Variants in SCAPER observed in about 807,000 individuals in gnomAD.
SCAPER encodes S-phase cyclin A associated protein in the ER.
A neutral mutation model predicts 182.2 loss-of-function variants in SCAPER; 98 were observed. The ratio of observed to expected loss-of-function variants is 0.54; its 90% confidence interval spans 0.46 to 0.64. The LOEUF (loss-of-function observed/expected upper bound fraction) is 0.64. Among genes scored for constraint, SCAPER ranks in the 30% least tolerant of loss-of-function variants. The probability of loss-of-function intolerance (pLI) is 0.00; values close to 1 mark genes in which losing one functional copy is unlikely to be tolerated. For synonymous variants in SCAPER, 605 were observed against 564.6 expected (o/e 1.07, Z -1.01); for missense variants, 1,432 against 1,690.0 (o/e 0.85, Z 2.68).
chr15:76,504,828 C>T (rs369067835), intron 24 of SCAPER, 31 bp downstream of exon 24: 41 of 1,526,762 alleles, frequency 2.7e-5, no homozygotes, highest in African/African-American at 1.1e-4. Context: ...ACAAATGAAA[C>T]GTAAAAAATA....
At chr15:76,428,639 C>G (rs1234818620) in intron 26 of SCAPER, among the ~76,000 whole-genome samples, 1 of 151,410 alleles carries the variant, frequency 6.6e-6, no homozygotes, top group Non-Finnish European at 1.5e-5. Flanking sequence ...TGAGGAGGGG[C>G]TGGGGGAAGA....
intron 7 of SCAPER, among the ~76,000 whole-genome samples, chr15:76,795,970 A>G (rs968164699): frequency 1.3e-5 from 2 of 152,156 alleles, no homozygotes; most frequent in African/African-American, 4.8e-5. Flanking sequence ...CTGAGGCATG[A>G]GAATTGCTTG....
chr15:76,437,900 G>A (rs945826672), intron 25 of SCAPER, among the ~76,000 whole-genome samples: 6 of 152,140 alleles, frequency 3.9e-5, no homozygotes. Flanking sequence ...TCATCCTCAG[G>A]CTTTTGTCCA....
At chr15:76,699,893 T>TC (rs2058842815) in intron 20 of SCAPER, among the ~76,000 whole-genome samples, 1 of 151,864 alleles carries the variant, frequency 6.6e-6, no homozygotes, top group Non-Finnish European at 1.5e-5. Flanking sequence ...GGCAACGGAG[T>TC]CCATACCTGC....
intron 25 of SCAPER, among the ~76,000 whole-genome samples, chr15:76,455,264 C>T (rs1275067580): frequency 1.3e-5 from 2 of 152,178 alleles, no homozygotes; most frequent in Non-Finnish European, 2.9e-5. Flanking sequence ...TTCAGGTGTA[C>T]AACTCGATGT....
chr15:76,717,951 A>G (rs1412178509), intron 17 of SCAPER, among the ~76,000 whole-genome samples: 2 of 152,206 alleles, frequency 1.3e-5, no homozygotes, highest in Non-Finnish European at 2.9e-5. Flanking sequence ...CATAGGCAGA[A>G]CATCCCATCA....
intron 25 of SCAPER, among the ~76,000 whole-genome samples, chr15:76,457,206 G>A (rs1224376652): frequency 6.6e-6 from 1 of 152,060 alleles, no homozygotes; most frequent in East Asian, 1.9e-4. Context: ...GGGACTACAG[G>A]TGCCTGCCAC....
intron 21 of SCAPER, among the ~76,000 whole-genome samples, chr15:76,638,389 C>T (rs1372372571): frequency 6.6e-6 from 1 of 152,052 alleles, no homozygotes; most frequent in Non-Finnish European, 1.5e-5. Flanking sequence ...CTACAATATC[C>T]AGTTTAGTAT....
chr15:76,746,912 A>C (rs2061822613), intron 15 of SCAPER, among the ~76,000 whole-genome samples: 1 of 152,222 alleles, frequency 6.6e-6, no homozygotes, highest in African/African-American at 2.4e-5. Flanking sequence ...GAGAAGACTA[A>C]TATTGTTAAG....
At chr15:76,719,657 G>A (rs2060090404) in intron 17 of SCAPER, among the ~76,000 whole-genome samples, 1 of 152,046 alleles carries the variant, frequency 6.6e-6, no homozygotes, top group Non-Finnish European at 1.5e-5. Context: ...ACATTATGAT[G>A]TATACCTTAA....
intron 15 of SCAPER, among the ~76,000 whole-genome samples, chr15:76,748,604 T>C (rs574106706): frequency 6.6e-6 from 1 of 150,958 alleles, no homozygotes; most frequent in African/African-American, 2.4e-5. Flanking sequence ...ACAAGTTTCA[T>C]AAGGATCTAG....
At chr15:76,633,579 C>T (rs944456592) in intron 21 of SCAPER, among the ~76,000 whole-genome samples, 5 of 152,208 alleles carry the variant, frequency 3.3e-5, no homozygotes, top group African/African-American at 1.2e-4. Flanking sequence ...CCTAGGGGCT[C>T]CTCTCAGGGA....
At chr15:76,437,479 G>A (rs745897776) in intron 25 of SCAPER, among the ~76,000 whole-genome samples, 5 of 152,138 alleles carry the variant, frequency 3.3e-5, no homozygotes, top group Non-Finnish European at 4.4e-5. Flanking sequence ...TAATTTATGT[G>A]TTCAACTGGC....
chr15:76,662,027 T>C (rs1439789356), intron 21 of SCAPER, among the ~76,000 whole-genome samples: 1 of 152,148 alleles, frequency 6.6e-6, no homozygotes, highest in African/African-American at 2.4e-5. Flanking sequence ...TCAGGTCCTT[T>C]GCAGGGACAT....
intron 25 of SCAPER, among the ~76,000 whole-genome samples, chr15:76,467,252 A>C (rs1260105603): frequency 2.0e-5 from 3 of 152,062 alleles, no homozygotes; most frequent in African/African-American, 7.2e-5. Context: ...TACACATTGC[A>C]CGTTCTCTAG....
At chr15:76,524,433 G>C (rs2043035392) in intron 23 of SCAPER, among the ~76,000 whole-genome samples, 1 of 151,936 alleles carries the variant, frequency 6.6e-6, no homozygotes, top group Non-Finnish European at 1.5e-5. Flanking sequence ...CATTACTTCT[G>C]GGAAAATATT....
intron 25 of SCAPER, among the ~76,000 whole-genome samples, chr15:76,445,167 C>T (rs2047907904): frequency 6.6e-6 from 1 of 152,210 alleles, no homozygotes; most frequent in South Asian, 2.1e-4. Context: ...TTATACCACT[C>T]TGTATGCCTT....
At position 76,897,288 on chromosome 15, in the gene SCAPER, A is replaced by G. The variant is rs548999272; in HGVS notation, c.-60+8011T>C. On this transcript the variant is annotated intron_variant, in intron 1 of 31. Coordinates refer to ENST00000563290, the MANE Select transcript of SCAPER (RefSeq NM_020843.4). ...GCAATTACAACTTCAAAAACCTGTA[A>G]TGATTTAAAGTATTTCCAAATTACA... Among the ~76,000 whole-genome samples, 3 of 152,314 alleles carry G rather than the reference A, an allele frequency of 2.0e-5. No individual in the cohort carries two copies. The South Asian group carries it at 6.2e-4, about 32-fold the overall frequency.
At chr15:76,686,768 C>T (rs1333615095) in intron 20 of SCAPER, among the ~76,000 whole-genome samples, 1 of 151,988 alleles carries the variant, frequency 6.6e-6, no homozygotes, top group Admixed American at 6.6e-5. Flanking sequence ...CATTATAATA[C>T]TGAAGGAAAA....
Sources: gnomAD v4.1 joint callset for allele counts (sites outside exome capture counted in the v4.1 genomes callset) on GRCh38, gnomAD v4.1.1 for gene constraint, MANE v1.5 for transcripts, NCBI Gene and HGNC (gene_info 2026-07-23, HGNC 2026-07-21) for gene names.